Variants in KATNBL1 observed in about 807,000 individuals in gnomAD.
The protein encoded by KATNBL1 is katanin regulatory subunit B1 like 1, also known as KATNB1-like protein 1.
KATNBL1 carries 28 observed loss-of-function variants against 44.7 expected under a neutral mutation model. The observed-to-expected ratio is 0.63, with a 90% CI of 0.46 to 0.86. KATNBL1 has a LOEUF of 0.86. KATNBL1 is among the 40% of genes least tolerant of loss of function. KATNBL1 has a pLI of 0.00. For synonymous variants in KATNBL1, 78 were observed against 114.9 expected (o/e 0.68, Z 2.06); for missense variants, 272 against 350.7 (o/e 0.78, Z 1.79).
rs945612314 is a variant in KATNBL1 at position 34,152,231 on chromosome 15, C to T, written c.438+559G>A. Among the ~76,000 whole-genome samples the T allele has an allele frequency of 2.7e-5, 4 of 149,088 alleles. No individual in the cohort carries two copies. In the East Asian group the frequency reaches 7.9e-4, roughly 29 times the overall value. On this transcript the variant is annotated intron_variant, in intron 4 of 9. Coordinates refer to ENST00000256544, the MANE Select transcript of KATNBL1 (RefSeq NM_024713.3). ...TATTTTTATTTTTTTGAGACGGAGT[C>T]GCTCTGTTGCCCAGGCTGGAGTGCA...
chr15:34,188,164 A>AAAAAAAAAAAAAAAAAAAAT (rs1889775032), intron 1 of KATNBL1, among the ~76,000 whole-genome samples: 1 of 144,232 alleles, frequency 6.9e-6, no homozygotes, highest in South Asian at 2.2e-4. Context: ...AAAAAAAAAA[A>AAAAAAAAAAAAAAAAAAAAT]AGAAAATTCA....
chr15:34,163,038 C>T (rs1888854383), intron 2 of KATNBL1, among the ~76,000 whole-genome samples: 3 of 128,414 alleles, frequency 2.3e-5, no homozygotes, highest in Admixed American at 2.0e-4. Context: ...AGCATACTGA[C>T]TAAAAACTTT....
intron 1 of KATNBL1, among the ~76,000 whole-genome samples, chr15:34,168,734 A>G (rs1205735234): frequency 1.3e-5 from 2 of 152,192 alleles, no homozygotes; most frequent in Non-Finnish European, 2.9e-5. Flanking sequence ...ATCACAGCAA[A>G]CTGCCTCTCA....
At chr15:34,165,274 A>C (rs148066809) in intron 1 of KATNBL1, among the ~76,000 whole-genome samples, 4,362 of 152,280 alleles carry the variant, frequency 0.029, 124 homozygotes, top group Admixed American at 0.11. Context: ...TAGAGATAGA[A>C]GTTAGATCAC....
At position 34,163,113 on chromosome 15, in the gene KATNBL1, A is replaced by G. The variant is rs185945185; in HGVS notation, c.117+447T>C. Among the ~76,000 whole-genome samples the G allele has an allele frequency of 6.1e-5, 9 of 148,340 alleles. No individual in the cohort carries two copies. The East Asian group carries it at 1.8e-3, about 29-fold the overall frequency. Reference sequence around the variant, plus strand: ...GGCTAGAATGCAATGGCGCGATCTCAGCTCACTGCAACTTCCACCGCCCGG... The same window carrying G: ...GGCTAGAATGCAATGGCGCGATCTCGGCTCACTGCAACTTCCACCGCCCGG... On this transcript the variant is annotated intron_variant, in intron 2 of 9. Coordinates refer to ENST00000256544, the MANE Select transcript of KATNBL1 (RefSeq NM_024713.3).
At chr15:34,156,905 T>C (rs1888655211) in intron 2 of KATNBL1, among the ~76,000 whole-genome samples, 1 of 152,198 alleles carries the variant, frequency 6.6e-6, no homozygotes, top group African/African-American at 2.4e-5. Flanking sequence ...CAATCTATTC[T>C]TGCTCTTTAG....
In KATNBL1 at chr15:34,145,443, T is replaced by A. The variant is rs753246042; in HGVS notation, c.837A>T (p.Glu279Asp). The A allele has an allele frequency of 6.8e-7, 1 of 1,471,038 alleles. No homozygotes were observed. Among genetic ancestry groups the A allele is most frequent in the Non-Finnish European group, 9.0e-7 (1 of 1,116,922 alleles). The allele number at this position is 1,471,038 out of a possible 1,614,324, so 91.1% of individuals were successfully genotyped here. The change falls in exon 9 of 10, where the codon GAA becomes GAT. Residue 279 changes from glutamate (E) to aspartate (D), a missense_variant. Glu to Asp is a conservative substitution (Grantham distance 45, BLOSUM62 2). This residue lies in a region of KATNBL1 where 39 missense variants were observed against 76.3 expected (regional missense o/e 0.51). Coordinates refer to ENST00000256544, the MANE Select transcript of KATNBL1 (RefSeq NM_024713.3). The stretch of plus-strand genomic sequence containing the variant: ...ATCCTGGAACCAAAGTAAGATGGTT[T>A]TCCTGTTCCCATAATCCACTTAATT... ...KQQLSGLWEQ[E>D]NHLTLVPGYT...
At chr15:34,184,359 C>G (rs527633233) in intron 1 of KATNBL1, among the ~76,000 whole-genome samples, 2 of 150,420 alleles carry the variant, frequency 1.3e-5, no homozygotes, top group African/African-American at 4.9e-5. Flanking sequence ...CTCAGCCACT[C>G]GGGAAAGTCA....
At chr15:34,199,637 G>A (rs1890117912) in intron 1 of KATNBL1, 1 of 152,534 alleles carries the variant, frequency 6.6e-6, no homozygotes, top group Admixed American at 6.5e-5. Flanking sequence ...GGTGTGTCCA[G>A]AGTTTCTTCC....
chr15:34,209,347 A>G (rs548337942), intron 1 of KATNBL1: 2 of 152,350 alleles, frequency 1.3e-5, no homozygotes, highest in East Asian at 1.9e-4. Context: ...AGCCACAAGA[A>G]AACAAACCAA....
At chr15:34,160,739 G>T (rs986571398) in intron 2 of KATNBL1, among the ~76,000 whole-genome samples, 1 of 151,984 alleles carries the variant, frequency 6.6e-6, no homozygotes, top group Non-Finnish European at 1.5e-5. Context: ...ACCTTACTTG[G>T]GGTATTTCCC....
chr15:34,192,551 T>C (rs1280787506), intron 1 of KATNBL1, among the ~76,000 whole-genome samples: 1 of 152,202 alleles, frequency 6.6e-6, no homozygotes, highest in East Asian at 1.9e-4. Context: ...TGTCTCTTGC[T>C]TTTAGGCCTA....
At chr15:34,159,384 G>A (rs1228792376) in intron 2 of KATNBL1, among the ~76,000 whole-genome samples, 1 of 152,152 alleles carries the variant, frequency 6.6e-6, no homozygotes, top group Non-Finnish European at 1.5e-5. Context: ...TAACAACAGG[G>A]TGGGTGGTTT....
intron 1 of KATNBL1, among the ~76,000 whole-genome samples, chr15:34,200,338 C>T (rs952473929): frequency 6.6e-6 from 1 of 151,636 alleles, no homozygotes; most frequent in Non-Finnish European, 1.5e-5. Context: ...CTGCAACCTT[C>T]GCCTCCCGCA....
rs756909387 is a variant in KATNBL1 at position 34,154,703 on chromosome 15, T to C, written c.118-19A>G. 17 of 1,516,192 alleles carry C rather than the reference T, an allele frequency of 1.1e-5. No homozygotes were observed. In the East Asian group the frequency reaches 1.8e-4, roughly 16 times the overall value. 93.9% of individuals were successfully genotyped at this position (1,516,192 alleles called of 1,614,324 possible). On this transcript the variant is annotated intron_variant, in intron 2 of 9. Coordinates refer to ENST00000256544, the MANE Select transcript of KATNBL1 (RefSeq NM_024713.3). ...TCTTAACCTGAAAAATGAAAGTAGATAGTTGATGTTAGAAACAAATGCTTG... is the reference window on the plus strand; with the variant it reads ...TCTTAACCTGAAAAATGAAAGTAGACAGTTGATGTTAGAAACAAATGCTTG...
intron 2 of KATNBL1, among the ~76,000 whole-genome samples, chr15:34,163,233 A>G (rs1367631939): frequency 6.6e-6 from 1 of 151,678 alleles, no homozygotes; most frequent in Non-Finnish European, 1.5e-5. Flanking sequence ...TAGTAGACAC[A>G]GGGTTTCACC....
intron 1 of KATNBL1, among the ~76,000 whole-genome samples, chr15:34,191,240 G>A (rs577804327): frequency 2.7e-5 from 4 of 148,872 alleles, no homozygotes; most frequent in Non-Finnish European, 6.0e-5. Context: ...CATCCATGCT[G>A]TTGCATGCAT....
chr15:34,152,865 A>G lies in KATNBL1; in HGVS notation c.363T>C (p.Tyr121=), dbSNP rs1243763412. 5 of 1,613,864 alleles carry G rather than the reference A, an allele frequency of 3.1e-6. No individual in the cohort carries two copies. In the African/African-American group the frequency reaches 4.0e-5, roughly 13 times the overall value. The part of the protein sequence containing the change: ...PEKLHHDSRT[Y]LVNSSDSGSS... ...AACCAGAATCACTGGAGTTAACCAA[A>G]TATGTTCGACTATCATGGTGTAATT... The change falls in exon 4 of 10, where the codon TAT becomes TAC. Residue 121 remains tyrosine (Y), a synonymous_variant. Transcript: ENST00000256544.
intron 1 of KATNBL1, among the ~76,000 whole-genome samples, chr15:34,175,549 T>C (rs925358862): frequency 6.6e-6 from 1 of 152,224 alleles, no homozygotes; most frequent in Non-Finnish European, 1.5e-5. Flanking sequence ...CTAAAACTTT[T>C]TAAGAATGAA....
Sources: allele counts gnomAD v4.1 joint callset (sites outside exome capture counted in the v4.1 genomes callset), GRCh38; gene constraint gnomAD v4.1.1; regional missense constraint gnomAD v4.1.1; transcripts MANE v1.5; gene names NCBI Gene and HGNC (gene_info 2026-07-23, HGNC 2026-07-21).